The following RBPMS variants were observed in gnomAD, a reference collection of about 807,000 sequenced individuals.
RBPMS encodes the protein RNA-binding protein with multiple splicing.
Under a neutral mutation model 26.8 loss-of-function variants are expected in RBPMS, and 7 were observed. That is an observed-to-expected ratio of 0.26 (90% CI 0.15 to 0.49). The LOEUF is 0.49. Among genes scored for constraint, RBPMS ranks in the 20% least tolerant of loss-of-function variants. The pLI is 0.98. For missense variants in RBPMS, 186 were observed against 250.0 expected (o/e 0.74, Z 1.73); for synonymous variants, 96 against 93.3 (o/e 1.03, Z -0.17).
intron 5 of RBPMS, among the ~76,000 whole-genome samples, chr8:30,540,456 C>T (rs1266779167): frequency 6.6e-6 from 1 of 152,178 alleles, no homozygotes; most frequent in Admixed American, 6.5e-5. Flanking sequence ...GGGTCTTACT[C>T]TGTTGCCCTG....
chr8:30,431,770 A>T (rs1023096207), intron 1 of RBPMS, among the ~76,000 whole-genome samples: 2 of 151,968 alleles, frequency 1.3e-5, no homozygotes, highest in Admixed American at 1.3e-4. Flanking sequence ...CAATAATAGT[A>T]CTTATCAGTA....
At chr8:30,409,808 G>T (rs922705018) in intron 1 of RBPMS, among the ~76,000 whole-genome samples, 30 of 151,584 alleles carry the variant, frequency 2.0e-4, no homozygotes, top group South Asian at 1.0e-3. Flanking sequence ...AATTTTTGTA[G>T]TTTTAGTAGA....
chr8:30,518,399 T>G (rs1822580878), intron 5 of RBPMS, among the ~76,000 whole-genome samples: 1 of 151,616 alleles, frequency 6.6e-6, no homozygotes, highest in Non-Finnish European at 1.5e-5. Context: ...GAGTATGACT[T>G]TTTCATTCAT....
intron 1 of RBPMS, chr8:30,446,836 T>TGC (rs1435214607): frequency 7.6e-5 from 8 of 105,026 alleles, no homozygotes; most frequent in African/African-American, 3.3e-4. Context: ...TGTGTGTGTG[T>TGC]GTGTGTGCGC....
chr8:30,562,848 C>A (rs1402955155), intron 7 of RBPMS, among the ~76,000 whole-genome samples: 2 of 152,104 alleles, frequency 1.3e-5, no homozygotes, highest in Non-Finnish European at 2.9e-5. Context: ...GCCAGCACTC[C>A]CAGAGGTCCT....
intron 5 of RBPMS, among the ~76,000 whole-genome samples, chr8:30,516,801 A>G (rs1351317292): frequency 6.6e-6 from 1 of 152,086 alleles, no homozygotes; most frequent in Non-Finnish European, 1.5e-5. Context: ...GGCTAAAGCA[A>G]GAGAAGGAGT....
At chr8:30,386,488 A>G (rs1410618113) in intron 1 of RBPMS, among the ~76,000 whole-genome samples, 4 of 152,160 alleles carry the variant, frequency 2.6e-5, no homozygotes, top group African/African-American at 9.7e-5. Context: ...ACCCGAGGAC[A>G]TTTTCTATTT....
At chr8:30,530,420 A>AAC (rs1179276516) in intron 5 of RBPMS, among the ~76,000 whole-genome samples, 3 of 152,212 alleles carry the variant, frequency 2.0e-5, no homozygotes, top group Non-Finnish European at 4.4e-5. Flanking sequence ...AGGTAATCAC[A>AAC]ACAACACGGT....
At chr8:30,451,112 G>A (rs1238516362) in intron 1 of RBPMS, among the ~76,000 whole-genome samples, 1 of 152,120 alleles carries the variant, frequency 6.6e-6, no homozygotes, top group African/African-American at 2.4e-5. Flanking sequence ...GAGGGTTCTG[G>A]ATTATAACAA....
intron 4 of RBPMS, among the ~76,000 whole-genome samples, chr8:30,483,734 CTG>C (rs1818508758): frequency 6.6e-6 from 1 of 152,080 alleles, no homozygotes; most frequent in Non-Finnish European, 1.5e-5. Flanking sequence ...AGCAGAAACT[CTG>C]TAGCCCTTAA....
In RBPMS at chr8:30,540,175, A is replaced by G. The variant is rs955364654; in HGVS notation, c.398-4319A>G. On this transcript the variant is annotated intron_variant, in intron 5 of 8. Coordinates refer to ENST00000397323, the MANE Select transcript of RBPMS (RefSeq NM_001008710.3). ...TGGAAGGAGTAAGTAACTGATGAGT[A>G]AGAGTTAAGCCAGGCAAGAGGAGGG... Among the ~76,000 whole-genome samples the G allele has an allele frequency of 6.6e-5, 10 of 152,272 alleles. No individual in the cohort carries two copies. The East Asian group carries it at 1.9e-3, about 29-fold the overall frequency.
At chr8:30,467,950 A>G (rs1816683750) in intron 1 of RBPMS, among the ~76,000 whole-genome samples, 1 of 152,020 alleles carries the variant, frequency 6.6e-6, no homozygotes, top group South Asian at 2.1e-4. Context: ...TCCACTATTA[A>G]CATATAGATA....
At chr8:30,548,792 T>C (rs1460406560) in intron 6 of RBPMS, among the ~76,000 whole-genome samples, 2 of 152,210 alleles carry the variant, frequency 1.3e-5, no homozygotes, top group Non-Finnish European at 2.9e-5. Flanking sequence ...ATCTGAGCAG[T>C]TGCTCATCAG....
At chr8:30,554,545 G>T (rs1158553504) in intron 6 of RBPMS, among the ~76,000 whole-genome samples, 1 of 152,138 alleles carries the variant, frequency 6.6e-6, no homozygotes, top group African/African-American at 2.4e-5. Flanking sequence ...AGCATTTCTA[G>T]ACCAGTGTTC....
chr8:30,446,841 GT>G (rs1563326500), intron 1 of RBPMS: 1 of 63,956 alleles, frequency 1.6e-5, no homozygotes, highest in African/African-American at 9.0e-5. Context: ...GTGTGTGTGT[GT>G]GCGCGCGCGC....
intron 5 of RBPMS, among the ~76,000 whole-genome samples, chr8:30,528,700 A>C (rs916233919): frequency 6.6e-6 from 1 of 152,230 alleles, no homozygotes; most frequent in Admixed American, 6.5e-5. Flanking sequence ...TTTTACAAAG[A>C]AGGAATTAAG....
At chr8:30,469,007 AG>A (rs1243450006) in intron 1 of RBPMS, among the ~76,000 whole-genome samples, 2 of 152,230 alleles carry the variant, frequency 1.3e-5, no homozygotes, top group African/African-American at 4.8e-5. Flanking sequence ...CAGAGCAGCT[AG>A]ATAGATGACC....
chr8:30,528,451 G>A (rs994298836), intron 5 of RBPMS, among the ~76,000 whole-genome samples: 2 of 152,118 alleles, frequency 1.3e-5, no homozygotes, highest in East Asian at 1.9e-4. Flanking sequence ...ATGGGGAGCC[G>A]GGACATACCT....
chr8:30,512,930 T>G (rs1192130176), intron 5 of RBPMS, among the ~76,000 whole-genome samples: 1 of 152,200 alleles, frequency 6.6e-6, no homozygotes, highest in Non-Finnish European at 1.5e-5. Flanking sequence ...TGAAGTTTCT[T>G]CTTGATATCA....
Sources: allele counts gnomAD v4.1 joint callset (sites outside exome capture counted in the v4.1 genomes callset), GRCh38; gene constraint gnomAD v4.1.1; transcripts MANE v1.5; gene names NCBI Gene and HGNC (gene_info 2026-07-23, HGNC 2026-07-21).